The following NREP variants were observed in gnomAD, a reference collection of about 807,000 sequenced individuals.
NREP encodes neuronal regeneration related protein.
NREP carries 5 observed loss-of-function variants against 8.6 expected under a neutral mutation model. That is an observed-to-expected ratio of 0.58 (90% confidence interval 0.30 to 1.22). NREP has a LOEUF of 1.22. NREP is among the 50% of genes most tolerant of loss of function. The pLI is 0.07. For missense variants in NREP, 86 were observed against 82.5 expected, an observed-to-expected ratio of 1.04 and a Z score of -0.17; for synonymous variants, 27 against 28.0, an observed-to-expected ratio of 0.96 and a Z score of 0.11.
chr5:111,861,868 G>C (rs1383965888), intron 2 of NREP, among the ~76,000 whole-genome samples: 4 of 152,014 alleles, frequency 2.6e-5, no homozygotes, highest in African/African-American at 9.7e-5. Flanking sequence ...TTATAGTTCT[G>C]ACTATGTAAT....
upstream of NREP, chr5:111,757,951 C>T (rs1472547856): frequency 5.1e-6 from 5 of 985,462 alleles, no homozygotes; most frequent in Non-Finnish European, 6.0e-6. Flanking sequence ...AAACCTGCAG[C>T]AGAGGGCATC....
chr5:111,759,357 A>G (rs1750905194), upstream of NREP, among the ~76,000 whole-genome samples: 1 of 152,202 alleles, frequency 6.6e-6, no homozygotes, highest in Admixed American at 6.5e-5. Context: ...TTTAACGTTT[A>G]TGTAAAACTT....
At chr5:111,874,050 G>T (rs1753850089) in intron 2 of NREP, among the ~76,000 whole-genome samples, 1 of 151,918 alleles carries the variant, frequency 6.6e-6, no homozygotes, top group Non-Finnish European at 1.5e-5. Context: ...GGACGGGAGG[G>T]TGGGGAAAGG....
chr5:111,807,088 G>A (rs956988995), intron 2 of NREP, among the ~76,000 whole-genome samples: 1 of 151,936 alleles, frequency 6.6e-6, no homozygotes, highest in Admixed American at 6.6e-5. Flanking sequence ...AAGGCTGCAT[G>A]TAAGATAATT....
At chr5:111,905,812 C>T (rs1429029287) in intron 2 of NREP, among the ~76,000 whole-genome samples, 2 of 152,000 alleles carry the variant, frequency 1.3e-5, no homozygotes, top group South Asian at 2.1e-4. Flanking sequence ...GGCTTTAATA[C>T]AAATTGATTG....
chr5:111,898,215 G>A (rs1216323130), intron 2 of NREP, among the ~76,000 whole-genome samples: 2 of 152,138 alleles, frequency 1.3e-5, no homozygotes, highest in East Asian at 3.9e-4. Context: ...AAAGAGGAAA[G>A]TGTAGAAGCA....
At chr5:111,800,489 A>T (rs1751979427) in intron 2 of NREP, among the ~76,000 whole-genome samples, 1 of 152,186 alleles carries the variant, frequency 6.6e-6, no homozygotes. Flanking sequence ...TTGTCTGTGA[A>T]TCTGTTTTAC....
chr5:111,884,062 C>CT (rs1421192985), intron 2 of NREP, among the ~76,000 whole-genome samples: 13 of 152,132 alleles, frequency 8.5e-5, no homozygotes, highest in African/African-American at 2.7e-4. Context: ...ATCAACAAAA[C>CT]TGATAGACCA....
intron 3 of NREP, chr5:111,734,547 G>A (rs954019376): frequency 2.3e-6 from 1 of 442,940 alleles, no homozygotes; most frequent in African/African-American, 2.0e-5. Flanking sequence ...CAAACTGCCA[G>A]TTGATACAAC....
At chr5:111,971,291 T>C (rs1445897729) in intron 2 of NREP, among the ~76,000 whole-genome samples, 1 of 152,168 alleles carries the variant, frequency 6.6e-6, no homozygotes. Flanking sequence ...ACAGATTCAA[T>C]GTAATGTCTA....
intron 2 of NREP, among the ~76,000 whole-genome samples, chr5:111,853,671 T>C (rs564848877): frequency 6.6e-6 from 1 of 152,158 alleles, no homozygotes; most frequent in Non-Finnish European, 1.5e-5. Context: ...AGTGTCTCTT[T>C]TTCTTTCTTC....
At chr5:111,858,210 C>G (rs535368927) in intron 2 of NREP, among the ~76,000 whole-genome samples, 3 of 152,100 alleles carry the variant, frequency 2.0e-5, no homozygotes, top group Non-Finnish European at 4.4e-5. Context: ...TTTTAACCAG[C>G]CTCCCAGGTG....
intron 3 of NREP, 89 bp from the exon 4 acceptor site, chr5:111,731,135 T>A (rs1004716797): frequency 3.4e-6 from 5 of 1,472,300 alleles, no homozygotes; most frequent in African/African-American, 1.4e-5. Context: ...AAATTTTGCT[T>A]TTCCTGCCCA....
At chr5:111,815,116 G>A (rs1403357549) in intron 2 of NREP, among the ~76,000 whole-genome samples, 1 of 152,074 alleles carries the variant, frequency 6.6e-6, no homozygotes, top group Non-Finnish European at 1.5e-5. Flanking sequence ...AAGTTAGGAA[G>A]AAACCTAACA....
chr5:111,964,989 T>A (rs1025350143), intron 2 of NREP, among the ~76,000 whole-genome samples: 1 of 151,498 alleles, frequency 6.6e-6, no homozygotes, highest in Admixed American at 6.6e-5. Context: ...AAATCTAACA[T>A]TGTTTATCTC....
chr5:111,903,544 C>A (rs376329545), intron 2 of NREP, among the ~76,000 whole-genome samples: 9 of 152,164 alleles, frequency 5.9e-5, no homozygotes, highest in African/African-American at 1.9e-4. Flanking sequence ...TTCTACCTAA[C>A]TGATTTTCAT....
chr5:111,798,121 T>C lies in NREP; in HGVS notation c.136-62614A>G, dbSNP rs1751914394. On this transcript the variant is annotated intron_variant, in intron 2 of 3. Coordinates refer to the NREP transcript ENST00000395634. ...TGGATATTTTGACCTGTTATAATAA[T>C]AGTTGTTATTTGAACAACTTACTAT... Among the ~76,000 whole-genome samples, 4 of 152,232 alleles carry C rather than the reference T, an allele frequency of 2.6e-5. No homozygotes were observed. In the South Asian group the frequency reaches 8.3e-4, roughly 32 times the overall value.
chr5:111,783,453 G>A (rs1228569837), intron 2 of NREP, among the ~76,000 whole-genome samples: 1 of 152,166 alleles, frequency 6.6e-6, no homozygotes, highest in Non-Finnish European at 1.5e-5. Context: ...TCACCCAGGT[G>A]GACTGCAACG....
intron 2 of NREP, among the ~76,000 whole-genome samples, chr5:111,742,154 G>A (rs920890028): frequency 5.3e-5 from 8 of 152,118 alleles, no homozygotes; most frequent in Non-Finnish European, 8.8e-5. Context: ...CACAGAAAGC[G>A]TTCATATTTT....
Sources: allele counts gnomAD v4.1 joint callset (sites outside exome capture counted in the v4.1 genomes callset), GRCh38; gene constraint gnomAD v4.1.1; transcripts MANE v1.5; gene names NCBI Gene and HGNC (gene_info 2026-07-23, HGNC 2026-07-21).